ABCA7: variants seen among roughly 807,000 people sequenced by gnomAD.
ABCA7 encodes phospholipid-transporting ATPase ABCA7.
Under a neutral mutation model 227.6 loss-of-function variants are expected in ABCA7, and 261 were observed. That is an observed-to-expected ratio of 1.15 (90% confidence interval 1.04 to 1.27). The LOEUF (loss-of-function observed/expected upper bound fraction) is 1.27, where lower values mean the gene tolerates loss of function less well. Ranked by LOEUF, ABCA7 falls within the 50% of genes most tolerant of loss-of-function variation. The pLI, the probability that ABCA7 is intolerant of heterozygous loss-of-function variation, is 0.00. For missense variants in ABCA7, 3,331 were observed against 2,924.5 expected, an observed-to-expected ratio of 1.14 and a Z score of -3.21; for synonymous variants, 1,488 against 1,279.7, an observed-to-expected ratio of 1.16 and a Z score of -3.47.
intron 18 of ABCA7, among the ~76,000 whole-genome samples, chr19:1,050,282 T>G (rs1040511384): frequency 2.6e-5 from 4 of 151,684 alleles, no homozygotes; most frequent in African/African-American, 4.8e-5. Context: ...GATGGTGGCG[T>G]GCACCTGTAA....
Position 1,062,026 on chromosome 19 carries a change from A to G in ABCA7, c.5570+138A>G, listed in dbSNP as rs2042689106. The G allele has an allele frequency of 4.9e-6, 7 of 1,438,206 alleles. No homozygotes were observed. The Admixed American group carries it at 1.0e-4, about 21-fold the overall frequency. The allele number at this position is 1,438,206 out of a possible 1,614,324, so 89.1% of individuals were successfully genotyped here. Reference sequence around the variant, plus strand: ...TGGTCTCTGAGACCCCTGCACCTCTACCTCCCACACGCGGACCAGGCCCTG... The same window carrying G: ...TGGTCTCTGAGACCCCTGCACCTCTGCCTCCCACACGCGGACCAGGCCCTG... On this transcript the variant is annotated intron_variant, in intron 41 of 46. Coordinates refer to ENST00000263094, the MANE Select transcript of ABCA7 (RefSeq NM_019112.4).
chr19:1,044,653 C>T lies in ABCA7; in HGVS notation c.1124C>T (p.Ser375Phe), dbSNP rs764070811. The change falls in exon 11 of 47, where the codon TCC (serine) becomes TTC (phenylalanine). Residue 375 changes from serine to phenylalanine, a missense_variant. Coordinates refer to ENST00000263094, the MANE Select transcript of ABCA7 (RefSeq NM_019112.4). ...GGRDHMEALR[S>F]FLDPGSGGYS... ...CGGGACCACATGGAGGCCCTGCGAT[C>T]CTTTCTGGACCCTGGGAGCGGTGGC... The T allele has an allele frequency of 1.9e-6, 3 of 1,613,122 alleles. No homozygotes were observed. Among genetic ancestry groups the T allele is most frequent in the Non-Finnish European group, 2.5e-6 (3 of 1,179,974 alleles).
rs140430997 is a variant in ABCA7, at chr19:1,059,657, G to A, written c.5463+572G>A. 2.8e-4 allele frequency among the ~76,000 whole-genome samples: 42 copies of A among 150,518 alleles called. 1 individual carries two copies. In the South Asian group the frequency reaches 7.1e-3, roughly 26 times the overall value. ...CGGCTCACTACAAGCTCCACCTCCC[G>A]GGTTCACACCATTTTCCTGCCTCAG... On this transcript the variant is annotated intron_variant, in intron 40 of 46. Coordinates refer to ENST00000263094, the MANE Select transcript of ABCA7 (RefSeq NM_019112.4).
At chr19:1,062,387 C>T in intron 42 of ABCA7, 74 bp downstream of exon 42, 1 of 1,563,340 alleles carries the variant, frequency 6.4e-7, no homozygotes. Flanking sequence ...TAAAGCCTGG[C>T]CCAATCCCGC....
intron 12 of ABCA7, chr19:1,045,666 G>A (rs1004494964): frequency 3.0e-5 from 3 of 99,152 alleles, no homozygotes; most frequent in African/African-American, 4.3e-5. Context: ...CCTCCCCCCC[G>A]CCCCCCTCCC....
chr19:1,049,227 CCCATGACCT>C, intron 17 of ABCA7, 30 bp from the exon 18 acceptor site: 1 of 1,560,678 alleles, frequency 6.4e-7, no homozygotes, highest in Non-Finnish European at 8.7e-7. Flanking sequence ...CCCCAGGACC[CCCATGACCT>C]CCATGGCTGA....
chr19:1,042,303 C>T lies in ABCA7; in HGVS notation c.416-12C>T. On this transcript the variant is annotated splice_polypyrimidine_tract_variant and intron_variant, in intron 5 of 46. Transcript: ENST00000263094. Reference sequence around the variant, plus strand: ...CCCCCCAGCCCCATGCTCCCGTGCGCTCCTCCCCCAGCCCAGCCTCAACCA... The same window carrying T: ...CCCCCCAGCCCCATGCTCCCGTGCGTTCCTCCCCCAGCCCAGCCTCAACCA... The T allele has an allele frequency of 6.3e-7, 1 of 1,574,870 alleles. No homozygotes were observed. Among genetic ancestry groups the T allele is most frequent in the Non-Finnish European group, 8.7e-7 (1 of 1,154,572 alleles).
Position 1,049,481 on chromosome 19 carries a change from A to T in ABCA7, c.2552+44A>T, listed in dbSNP as rs75864702. 0.044 allele frequency: 11,091 copies of T among 253,818 alleles called. 2,405 individuals are homozygous for T. The East Asian group carries it at 0.55, about 13-fold the overall frequency. 15.7% of individuals were successfully genotyped at this position (253,818 alleles called of 1,614,324 possible). Reference sequence around the variant, plus strand: ...CCTCCCCGTGAGCCCCCCCACTCCCACCCCGTGAGCCCCCCCACCACTCCC... The same window carrying T: ...CCTCCCCGTGAGCCCCCCCACTCCCTCCCCGTGAGCCCCCCCACCACTCCC... On this transcript the variant is annotated intron_variant, in intron 18 of 46. Coordinates refer to ENST00000263094, the MANE Select transcript of ABCA7 (RefSeq NM_019112.4).
Position 1,046,800 on chromosome 19 carries a change from A to G in ABCA7, c.1623-2A>G. ...CCTCCACCCCAGCCGTCCCCACCCCAGGTTCCTGCGTGTGCTGAGCCGGTC... is the reference window on the plus strand; with the variant it reads ...CCTCCACCCCAGCCGTCCCCACCCCGGGTTCCTGCGTGTGCTGAGCCGGTC... On this transcript the variant is annotated splice_acceptor_variant, in intron 13 of 46. Transcript: ENST00000263094. LOFTEE classifies it high-confidence loss of function. The G allele has an allele frequency of 1.3e-6, 2 of 1,536,764 alleles. No individual in the cohort carries two copies. The highest frequency in any genetic ancestry group is 1.7e-6 in the Non-Finnish European group (2 of 1,146,612).
Position 1,043,819 on chromosome 19 carries a change from G to T in ABCA7, c.1025G>T (p.Ser342Ile). 6.2e-7 allele frequency: 1 copy of T among 1,612,898 alleles called. No individual in the cohort carries two copies. The highest frequency in any genetic ancestry group is 8.5e-7 in the Non-Finnish European group (1 of 1,179,796). The change falls in exon 10 of 47, where the codon AGT becomes ATT. Residue 342 changes from serine (S) to isoleucine (I), a missense_variant. Transcript: ENST00000263094. ...GPRIFTFMND[S>I]SNVAMLQRLL... ...CGGATCTTCACCTTCATGAACGACAGTTCCAATGTGGCCATGCTGCAGGTG... is the reference window on the plus strand; with the variant it reads ...CGGATCTTCACCTTCATGAACGACATTTCCAATGTGGCCATGCTGCAGGTG...
chr19:1,048,854 T>G (rs566685714), intron 16 of ABCA7, 41 bp from the exon 17 acceptor site: 225 of 1,197,036 alleles, frequency 1.9e-4, no homozygotes, highest in Non-Finnish European at 2.5e-4. Context: ...GGTACACTCC[T>G]GGGGGGTGGG....
In ABCA7 at chr19:1,056,545, G is replaced by A; in HGVS notation, c.4586+46G>A. 2 of 1,562,536 alleles carry A rather than the reference G, an allele frequency of 1.3e-6. No individual in the cohort carries two copies. Among genetic ancestry groups the A allele is most frequent in the Non-Finnish European group, 8.7e-7 (1 of 1,151,198 alleles). On this transcript the variant is annotated intron_variant, in intron 33 of 46. Coordinates refer to ENST00000263094, the MANE Select transcript of ABCA7 (RefSeq NM_019112.4). The surrounding 1 kb of genome is among the most constrained non-coding windows in gnomAD (Gnocchi z 4.3). Reference sequence around the variant, plus strand: ...TGTCCTACCCTGCACGTCCTACCCTGCCTCCATTTCTCTGTCGTTTGGGGT... The same window carrying A: ...TGTCCTACCCTGCACGTCCTACCCTACCTCCATTTCTCTGTCGTTTGGGGT...
rs1409968857 is a variant in ABCA7 at position 1,065,449 on chromosome 19, G to A, written c.*24G>A. ...GAGCCTCCCTCCCCTGCGGGGCCGCGGGGAGGCCCTGGGAATGGCAAGGGC... is the reference window on the plus strand; with the variant it reads ...GAGCCTCCCTCCCCTGCGGGGCCGCAGGGAGGCCCTGGGAATGGCAAGGGC... On this transcript the variant is annotated 3_prime_UTR_variant, in exon 47 of 47. Coordinates refer to ENST00000263094, the MANE Select transcript of ABCA7 (RefSeq NM_019112.4). The A allele has an allele frequency of 6.2e-7, 1 of 1,611,374 alleles. No individual in the cohort carries two copies. Among genetic ancestry groups the A allele is most frequent in the Admixed American group, 1.7e-5 (1 of 59,916 alleles).
At position 1,049,357 on chromosome 19, in the gene ABCA7, G is replaced by A; in HGVS notation, c.2472G>A (p.Leu824=). The A allele has an allele frequency of 6.2e-7, 1 of 1,611,562 alleles. No homozygotes were observed. Among genetic ancestry groups the A allele is most frequent in the East Asian group, 2.2e-5 (1 of 44,872 alleles). The change falls in exon 18 of 47, where the codon CTG becomes CTA. Residue 824 remains leucine, a synonymous_variant. Coordinates refer to ENST00000263094, the MANE Select transcript of ABCA7 (RefSeq NM_019112.4). ...KRFPGSPQPA[L]RGLSLDFYQG... The stretch of plus-strand genomic sequence containing the variant: ...TTCCTGGAAGCCCGCAGCCAGCCCT[G>A]CGGGGGCTCAGCCTGGACTTCTACC...
Position 1,048,781 on chromosome 19 carries a change from C to G in ABCA7, c.2270-114C>G, listed in dbSNP as rs2041021176. On this transcript the variant is annotated intron_variant, in intron 16 of 46. Transcript: ENST00000263094. ...TCAAAATCGTGCCACTGCACTCCAG[C>G]CTGGGCAACAGAGCAAGACTCCGTC... is the stretch of plus-strand genomic sequence containing the variant. 7 of 536,082 alleles carry G rather than the reference C, an allele frequency of 1.3e-5. No individual in the cohort carries two copies. The East Asian group carries it at 2.4e-4, about 18-fold the overall frequency. 33.2% of individuals were successfully genotyped at this position (536,082 alleles called of 1,614,324 possible). A position where few individuals can be genotyped will look rare whatever the true frequency, so the allele number is the denominator to read the frequency against.
Position 1,054,685 on chromosome 19 carries a change from CCTT to C in ABCA7, c.3847_3849del (p.Phe1283del), listed in dbSNP as rs1044692541. 15 of 1,612,668 alleles carry C rather than the reference CCTT, an allele frequency of 9.3e-6. No individual in the cohort carries two copies. The highest frequency in any genetic ancestry group is 2.7e-5 in the African/African-American group (2 of 74,896). ...CCCACCATGTACGGTGCTCAGGTGT[CCTT>C]CTTCAGGTGGGTGCAGAAGGAAGGG... On this transcript the variant is annotated inframe_deletion, in exon 28 of 47. Coordinates refer to ENST00000263094, the MANE Select transcript of ABCA7 (RefSeq NM_019112.4). The surrounding 1 kb of genome is among the most constrained non-coding windows in gnomAD (Gnocchi z 4.8).
At chr19:1,050,416 AAAT>A (rs2041457790) in intron 18 of ABCA7, among the ~76,000 whole-genome samples, 1 of 148,200 alleles carries the variant, frequency 6.7e-6, no homozygotes, top group Non-Finnish European at 1.5e-5. Context: ...TGTCACAAAA[AAAT>A]AAAAATAAAC....
In ABCA7 at chr19:1,056,427, G is replaced by A. The variant is rs113269196; in HGVS notation, c.4514G>A (p.Arg1505His). The A allele has an allele frequency of 1.5e-3, 2,379 of 1,613,440 alleles. 23 individuals are homozygous for A. In the African/African-American group the frequency reaches 0.027, roughly 18 times the overall value. ...GCTCACCTGCCCCCAGGCCCGGCCC[G>A]CCACGCCCACAGCATCACCACACTC... ...LRAHLPPGPA[R>H]HAHSITTLNH... Residue 1505 changes from arginine to histidine, a missense_variant, in exon 33 of 47, where the codon CGC becomes CAC. Physicochemically the swap from Arg to His is conservative, Grantham distance 29. Transcript: ENST00000263094. This position sits in a 1 kb window ranked among gnomAD's most constrained non-coding sequence, Gnocchi z 4.3.
chr19:1,041,439 G>T lies in ABCA7; in HGVS notation c.66+12G>T. 6.2e-7 allele frequency: 1 copy of T among 1,614,010 alleles called. No individual in the cohort carries two copies. Among genetic ancestry groups the T allele is most frequent in the Non-Finnish European group, 8.5e-7 (1 of 1,180,030 alleles). ...GCCGGAGACAGCCGGTAACGCCCCA[G>T]TGTGAGACCAGGGCCGGGTGGGCAG... On this transcript the variant is annotated intron_variant, in intron 2 of 46. Coordinates refer to ENST00000263094, the MANE Select transcript of ABCA7 (RefSeq NM_019112.4).
Sources: allele counts gnomAD v4.1 joint callset (sites outside exome capture counted in the v4.1 genomes callset), GRCh38; gene constraint gnomAD v4.1.1; non-coding constraint Gnocchi (gnomAD v3.1); transcripts MANE v1.5; gene names NCBI Gene and HGNC (gene_info 2026-07-23, HGNC 2026-07-21).